The following HMCN1 variants were observed in gnomAD, a reference collection of about 807,000 sequenced individuals.
HMCN1 encodes the protein hemicentin-1.
A neutral mutation model predicts 625.9 loss-of-function variants in HMCN1; 321 were observed. The observed-to-expected ratio is 0.51, with a 90% CI of 0.47 to 0.56. The LOEUF is 0.56. Among genes scored for constraint, HMCN1 ranks in the 20% least tolerant of loss-of-function variants. The pLI, the probability that HMCN1 is intolerant of heterozygous loss-of-function variation, is 0.00. For missense variants in HMCN1, 6,588 were observed against 6,887.3 expected (o/e 0.96, Z 1.54); for synonymous variants, 2,425 against 2,417.6 (o/e 1.00, Z -0.09).
intron 4 of HMCN1, among the ~76,000 whole-genome samples, chr1:185,907,696 A>C (rs1047359536): frequency 3.9e-5 from 6 of 151,964 alleles, no homozygotes; most frequent in Non-Finnish European, 8.8e-5. Context: ...TTGCTGAAAC[A>C]CTTCAGCAAT....
In HMCN1 at chr1:186,038,957, A is replaced by G; in HGVS notation, c.5980A>G (p.Ile1994Val). 2 of 1,613,068 alleles carry G rather than the reference A, an allele frequency of 1.2e-6. No individual in the cohort carries two copies. The highest frequency in any genetic ancestry group is 1.7e-6 in the Non-Finnish European group (2 of 1,179,134). ...TGCTGGCATATATAAATGCGTGGCC[A>G]TCAACTCAGCTGGAGCTACAGAGTT... ...SDAGIYKCVA[I>V]NSAGATELFY... The change falls in exon 38 of 107, where the codon ATC becomes GTC. Residue 1994 changes from isoleucine (I) to valine (V), a missense_variant. Ile to Val is a conservative substitution (Grantham distance 29). Coordinates refer to ENST00000271588, the MANE Select transcript of HMCN1 (RefSeq NM_031935.3).
chr1:186,024,594 A>G (rs938807101), intron 36 of HMCN1, among the ~76,000 whole-genome samples: 6 of 152,166 alleles, frequency 3.9e-5, no homozygotes, highest in Admixed American at 2.0e-4. Flanking sequence ...TTTAAATTCT[A>G]TGCTAAACAT....
At chr1:185,951,694 G>A (rs906561055) in intron 11 of HMCN1, among the ~76,000 whole-genome samples, 6 of 151,920 alleles carry the variant, frequency 3.9e-5, no homozygotes, top group South Asian at 2.1e-4. Context: ...CAGATGGGAC[G>A]TGGCTTAGGA....
At chr1:185,883,879 A>ATTTTTTTTTTTTTTTTTTTTTT (rs1205211897) in intron 4 of HMCN1, among the ~76,000 whole-genome samples, 1 of 55,934 alleles carries the variant, frequency 1.8e-5, no homozygotes, top group Non-Finnish European at 3.7e-5. Context: ...ATAGGTCATG[A>ATTTTTTTTTTTTTTTTTTTTTT]TTTTTTTTTT....
chr1:186,023,653 A>AT (rs1351658435), intron 36 of HMCN1, among the ~76,000 whole-genome samples: 2 of 152,174 alleles, frequency 1.3e-5, no homozygotes, highest in Admixed American at 6.6e-5. Flanking sequence ...ATAACCTTGA[A>AT]TATACCACTT....
intron 89 of HMCN1, among the ~76,000 whole-genome samples, chr1:186,142,380 G>T (rs1456261859): frequency 6.6e-6 from 1 of 152,104 alleles, no homozygotes; most frequent in African/African-American, 2.4e-5. Context: ...TGGCACGTAT[G>T]GTACCACATT....
At chr1:185,975,586 A>G (rs925216184) in intron 15 of HMCN1, among the ~76,000 whole-genome samples, 2 of 152,160 alleles carry the variant, frequency 1.3e-5, no homozygotes, top group Non-Finnish European at 2.9e-5. Context: ...GGGCAGGGAC[A>G]CAGATCCAAA....
intron 4 of HMCN1, among the ~76,000 whole-genome samples, chr1:185,904,222 T>C (rs547348921): frequency 1.4e-4 from 21 of 151,922 alleles, no homozygotes; most frequent in Admixed American, 3.9e-4. Context: ...TATGCTATAC[T>C]GCAGGATAGG....
chr1:186,093,335 G>A (rs1191029977), intron 65 of HMCN1, 77 bp downstream of exon 65: 6 of 1,598,474 alleles, frequency 3.8e-6, no homozygotes, highest in African/African-American at 1.3e-5. Context: ...CCAGCAGCAG[G>A]TGTCTGGAGC....
At chr1:186,115,866 T>C (rs1661108259) in intron 75 of HMCN1, among the ~76,000 whole-genome samples, 1 of 151,720 alleles carries the variant, frequency 6.6e-6, no homozygotes, top group Non-Finnish European at 1.5e-5. Context: ...TTTTTTTTTT[T>C]TGCTTTTTTC....
intron 56 of HMCN1, among the ~76,000 whole-genome samples, chr1:186,081,935 G>A (rs1659191874): frequency 6.6e-6 from 1 of 152,200 alleles, no homozygotes; most frequent in South Asian, 2.1e-4. Context: ...ATTACTTCTT[G>A]AGCAAAATAA....
chr1:186,005,872 A>G (rs1325971920), intron 29 of HMCN1, among the ~76,000 whole-genome samples: 1 of 152,196 alleles, frequency 6.6e-6, no homozygotes, highest in East Asian at 1.9e-4. Flanking sequence ...ACCGTGGCTC[A>G]CGCCTGTAAT....
intron 1 of HMCN1, among the ~76,000 whole-genome samples, chr1:185,782,386 T>A (rs896967190): frequency 2.0e-5 from 3 of 152,154 alleles, no homozygotes; most frequent in African/African-American, 4.8e-5. Context: ...TGATCCTGTC[T>A]TTATGATGTT....
At chr1:186,038,477 G>T (rs2224276) in intron 37 of HMCN1, among the ~76,000 whole-genome samples, 92,586 of 152,032 alleles carry the variant, frequency 0.61, 29,153 homozygotes, top group African/African-American at 0.78. Context: ...CCAACAGTGT[G>T]GATGGTATTT....
chr1:185,891,224 T>G (rs1278409984), intron 4 of HMCN1, among the ~76,000 whole-genome samples: 1 of 137,786 alleles, frequency 7.3e-6, no homozygotes, highest in Non-Finnish European at 1.5e-5. Context: ...TGAGATGGGT[T>G]TCCTGAATAC....
chr1:185,754,291 C>A (rs141909318), intron 1 of HMCN1, among the ~76,000 whole-genome samples: 1 of 152,006 alleles, frequency 6.6e-6, no homozygotes. Context: ...TGTTGGTGAA[C>A]GGATACAATG....
Position 186,137,893 on chromosome 1 carries a change from T to TC in HMCN1, c.13847dup (p.Ser4617IlefsTer10). Reference sequence around the variant, plus strand: ...AAACCAGGACCAGGACTTGCAATAATCCATCAGTTCAGCATGGTGGGCGGC... The same window carrying TC: ...AAACCAGGACCAGGACTTGCAATAATCCCATCAGTTCAGCATGGTGGGCGGC... On this transcript the variant is annotated frameshift_variant, in exon 89 of 107. Coordinates refer to ENST00000271588, the MANE Select transcript of HMCN1 (RefSeq NM_031935.3). LOFTEE classifies it high-confidence loss of function. 1 of 1,614,076 alleles carries TC rather than the reference T, an allele frequency of 6.2e-7. No individual in the cohort carries two copies. Among genetic ancestry groups the TC allele is most frequent in the Non-Finnish European group, 8.5e-7 (1 of 1,179,976 alleles).
At chr1:185,895,989 G>T (rs1355889756) in intron 4 of HMCN1, among the ~76,000 whole-genome samples, 1 of 151,126 alleles carries the variant, frequency 6.6e-6, no homozygotes, top group Non-Finnish European at 1.5e-5. Context: ...AGGCTAGAGT[G>T]CAGTGGCGCA....
rs1257849214 is a variant in HMCN1 at position 185,990,310 on chromosome 1, T to G, written c.3244T>G (p.Ser1082Ala). The change falls in exon 22 of 107, where the codon TCC (serine) becomes GCC (alanine). Residue 1082 changes from serine to alanine, a missense_variant. By Grantham distance (99) the Ser-to-Ala change is moderately conservative. Coordinates refer to ENST00000271588, the MANE Select transcript of HMCN1 (RefSeq NM_031935.3). ...PRVFGDQRGL[S>A]QDKPVEISVL... ...AGTGTTTGGAGATCAACGAGGACTG[T>G]CCCAGGATAAGCCTGTTGAGATCTC... 1.5e-5 allele frequency: 25 copies of G among 1,613,916 alleles called. No individual in the cohort carries two copies. Among genetic ancestry groups the G allele is most frequent in the Non-Finnish European group, 2.1e-5 (25 of 1,179,906 alleles).
Sources: allele counts gnomAD v4.1 joint callset (sites outside exome capture counted in the v4.1 genomes callset), GRCh38; gene constraint gnomAD v4.1.1; transcripts MANE v1.5; gene names NCBI Gene and HGNC (gene_info 2026-07-23, HGNC 2026-07-21).